Variants in CAMK1D observed in about 807,000 individuals in gnomAD.
The protein encoded by CAMK1D is calcium/calmodulin-dependent protein kinase type 1D.
Under a neutral mutation model 47.7 loss-of-function variants are expected in CAMK1D, and 9 were observed. The ratio of observed to expected loss-of-function variants is 0.19; its 90% CI spans 0.11 to 0.33. CAMK1D has a LOEUF of 0.33. Among genes scored for constraint, CAMK1D ranks in the 10% least tolerant of loss-of-function variants. The pLI is 1.00. For synonymous variants in CAMK1D, 184 were observed against 184.9 expected (o/e 0.99, Z 0.04); for missense variants, 291 against 488.7 (o/e 0.60, Z 3.81).
chr10:12,789,796 A>G (rs1289166626), intron 5 of CAMK1D, among the ~76,000 whole-genome samples: 4 of 121,500 alleles, frequency 3.3e-5, no homozygotes, highest in Non-Finnish European at 8.1e-5. Flanking sequence ...CTAACTCAGA[A>G]TCCAACAAGT....
intron 3 of CAMK1D, among the ~76,000 whole-genome samples, chr10:12,674,005 G>A (rs954385553): frequency 2.6e-4 from 39 of 152,068 alleles, no homozygotes; most frequent in African/African-American, 9.4e-4. Flanking sequence ...GAGGGCACTG[G>A]CGTGATCATA....
At chr10:12,555,466 C>G (rs1017013269) in intron 2 of CAMK1D, among the ~76,000 whole-genome samples, 1 of 152,158 alleles carries the variant, frequency 6.6e-6, no homozygotes, top group African/African-American at 2.4e-5. Flanking sequence ...CTATTAGGAA[C>G]CCAGTGAGTT....
intron 10 of CAMK1D, chr10:12,826,248 A>G (rs1165855588): frequency 2.6e-5 from 4 of 153,946 alleles, no homozygotes; most frequent in Admixed American, 2.5e-4. Flanking sequence ...CTGTCTGGAT[A>G]AAGGCCTGGA....
chr10:12,628,092 AAAAAC>A (rs1839276476), intron 2 of CAMK1D, among the ~76,000 whole-genome samples: 2 of 151,952 alleles, frequency 1.3e-5, no homozygotes, highest in African/African-American at 4.8e-5. Flanking sequence ...AAAAAAAACA[AAAAAC>A]AAAAAACAAA....
At chr10:12,614,667 C>T (rs570584911) in intron 2 of CAMK1D, among the ~76,000 whole-genome samples, 12 of 152,038 alleles carry the variant, frequency 7.9e-5, no homozygotes, top group Admixed American at 1.3e-4. Context: ...TGACTAAGTC[C>T]GGGTTGAGAG....
chr10:12,711,712 C>A (rs1833944228), intron 3 of CAMK1D, among the ~76,000 whole-genome samples: 1 of 152,198 alleles, frequency 6.6e-6, no homozygotes, highest in South Asian at 2.1e-4. Context: ...CCGGAGTCCT[C>A]ACACCACTTT....
chr10:12,503,387 G>A (rs1353850857), intron 1 of CAMK1D, among the ~76,000 whole-genome samples: 1 of 147,368 alleles, frequency 6.8e-6, no homozygotes, highest in Admixed American at 6.8e-5. Context: ...GTTTACAGTT[G>A]AGAAGCAGGT....
chr10:12,455,284 G>A (rs1288042872), intron 1 of CAMK1D, among the ~76,000 whole-genome samples: 1 of 152,186 alleles, frequency 6.6e-6, no homozygotes, highest in Non-Finnish European at 1.5e-5. Context: ...CAATCCTCCT[G>A]CCACAGTGTC....
intron 1 of CAMK1D, among the ~76,000 whole-genome samples, chr10:12,390,653 A>G (rs926618848): frequency 6.6e-6 from 1 of 152,196 alleles, no homozygotes; most frequent in Admixed American, 6.5e-5. Context: ...GGACTTGTGC[A>G]GCCTGCCTGT....
intron 1 of CAMK1D, among the ~76,000 whole-genome samples, chr10:12,403,710 A>G (rs1242114599): frequency 6.6e-6 from 1 of 152,156 alleles, no homozygotes; most frequent in Non-Finnish European, 1.5e-5. Context: ...AAAATTCAGT[A>G]TACTTTAAAA....
At position 12,783,544 on chromosome 10, in the gene CAMK1D, CGGGA is replaced by C. The variant is rs200469980; in HGVS notation, c.566-7613_566-7610del. Among the ~76,000 whole-genome samples the C allele has an allele frequency of 3.0e-3, 452 of 152,154 alleles. 6 individuals are homozygous for C. The highest frequency in any genetic ancestry group is 0.013 in the Admixed American group (195 of 15,274). On this transcript the variant is annotated intron_variant, in intron 5 of 10. Transcript: ENST00000619168. ...TGCTTCTTGGCACGTCCTTGGGGCT[CGGGA>C]AAGGGAAAATTCTTTTCTACTTCAG...
intron 1 of CAMK1D, among the ~76,000 whole-genome samples, chr10:12,465,296 A>C (rs1042895556): frequency 6.6e-6 from 1 of 152,204 alleles, no homozygotes; most frequent in Non-Finnish European, 1.5e-5. Flanking sequence ...TTCTCTGATA[A>C]TTCAAAAATT....
intron 10 of CAMK1D, 74 bp from the exon 11 acceptor site, chr10:12,828,695 G>T: frequency 8.3e-7 from 1 of 1,208,224 alleles, no homozygotes; most frequent in Non-Finnish European, 1.2e-6. Flanking sequence ...CAGCCCCTCT[G>T]ACACCTGGCA....
At chr10:12,643,354 G>A (rs918307113) in intron 2 of CAMK1D, among the ~76,000 whole-genome samples, 3 of 152,100 alleles carry the variant, frequency 2.0e-5, no homozygotes, top group African/African-American at 7.2e-5. Context: ...CCATAGCAGG[G>A]GTCCCCAACC....
At chr10:12,507,222 C>A (rs1445640283) in intron 1 of CAMK1D, among the ~76,000 whole-genome samples, 1 of 152,202 alleles carries the variant, frequency 6.6e-6, no homozygotes, top group African/African-American at 2.4e-5. Context: ...ATGTATCTCA[C>A]AAGCTAATAC....
chr10:12,500,766 A>G (rs1834676974), intron 1 of CAMK1D, among the ~76,000 whole-genome samples: 1 of 152,218 alleles, frequency 6.6e-6, no homozygotes, highest in Non-Finnish European at 1.5e-5. Context: ...GATTCTTTGC[A>G]AGGGACTTAG....
intron 5 of CAMK1D, among the ~76,000 whole-genome samples, chr10:12,777,696 G>A (rs150346847): frequency 1.3e-5 from 2 of 152,246 alleles, no homozygotes; most frequent in African/African-American, 4.8e-5. Context: ...TTAATTAAGT[G>A]TGGTGGCCCT....
chr10:12,585,811 A>G (rs1227316444), intron 2 of CAMK1D, among the ~76,000 whole-genome samples: 2 of 152,218 alleles, frequency 1.3e-5, no homozygotes, highest in African/African-American at 2.4e-5. Context: ...AACCACGTCA[A>G]TCACTAAAGC....
intron 3 of CAMK1D, among the ~76,000 whole-genome samples, chr10:12,736,871 C>G (rs1240709394): frequency 6.6e-6 from 1 of 152,232 alleles, no homozygotes; most frequent in Non-Finnish European, 1.5e-5. Flanking sequence ...CTGCGTTTCT[C>G]TCTCCCGATC....
Sources: allele counts gnomAD v4.1 joint callset (sites outside exome capture counted in the v4.1 genomes callset), GRCh38; gene constraint gnomAD v4.1.1; transcripts MANE v1.5; gene names NCBI Gene and HGNC (gene_info 2026-07-23, HGNC 2026-07-21).